LMO7: variants seen among roughly 807,000 people sequenced by gnomAD.
The protein encoded by LMO7 is LIM domain 7, also known as LIM domain only protein 7.
Under a neutral mutation model 206.5 loss-of-function variants are expected in LMO7, and 120 were observed. That is an observed-to-expected ratio of 0.58 (90% CI 0.50 to 0.68). LMO7 has a LOEUF of 0.68. Among genes scored for constraint, LMO7 ranks in the 30% least tolerant of loss-of-function variants. The pLI is 0.00. For synonymous variants in LMO7, 706 were observed against 681.5 expected (o/e 1.04, Z -0.56); for missense variants, 1,959 against 1,957.9 (o/e 1.00, Z -0.01).
upstream of LMO7, among the ~76,000 whole-genome samples, chr13:75,634,879 G>C (rs1265135086): frequency 6.6e-6 from 1 of 151,946 alleles, no homozygotes; most frequent in Non-Finnish European, 1.5e-5. Flanking sequence ...GGTGGTGGGC[G>C]CCTGTAATCC....
intron 4 of LMO7, among the ~76,000 whole-genome samples, chr13:75,780,089 A>G (rs988042734): frequency 1.6e-4 from 24 of 152,270 alleles, no homozygotes; most frequent in African/African-American, 4.8e-4. Flanking sequence ...CACAAGGCAA[A>G]TGGGCAGGGC....
chr13:75,670,719 C>A (rs1446912785), intron 1 of LMO7, among the ~76,000 whole-genome samples: 1 of 152,096 alleles, frequency 6.6e-6, no homozygotes, highest in African/African-American at 2.4e-5. Flanking sequence ...AATGTAAAGG[C>A]CTAGGACATT....
rs1306052853 is a variant in LMO7, at chr13:75,710,979, AC to A, written c.70-2201del. Among the ~76,000 whole-genome samples the A allele has an allele frequency of 3.3e-5, 5 of 152,168 alleles. No homozygotes were observed. In the East Asian group the frequency reaches 9.6e-4, roughly 29 times the overall value. On this transcript the variant is annotated intron_variant, in intron 1 of 30. Coordinates refer to ENST00000377534, the MANE Select transcript of LMO7 (RefSeq NM_001306080.2). The stretch of plus-strand genomic sequence containing the variant: ...TTATTTTGAGATACGTCCCATCAAT[AC>A]CTAATTTATTGAGAGTTTTTAGCAT...
intron 3 of LMO7, among the ~76,000 whole-genome samples, chr13:75,743,890 T>C (rs2046621920): frequency 1.3e-5 from 2 of 152,192 alleles, no homozygotes; most frequent in South Asian, 4.1e-4. Context: ...ATGACATTTT[T>C]CAAGGTTGTA....
chr13:75,819,679 G>A, intron 13 of LMO7, 144 bp downstream of exon 13: 2 of 812,936 alleles, frequency 2.5e-6, no homozygotes. Context: ...TTAAGATTTT[G>A]GTCTGCGGTG....
At chr13:75,743,123 C>T (rs548449089) in intron 3 of LMO7, among the ~76,000 whole-genome samples, 28 of 152,072 alleles carry the variant, frequency 1.8e-4, no homozygotes, top group Non-Finnish European at 1.5e-4. Context: ...AAAAAAAGCT[C>T]GACATCACTA....
chr13:75,717,198 T>C (rs9600533), intron 2 of LMO7, among the ~76,000 whole-genome samples: 79,812 of 151,290 alleles, frequency 0.53, 22,322 homozygotes, highest in African/African-American at 0.72. Flanking sequence ...CCCGTCTCTA[T>C]TAAAAATACA....
chr13:75,825,335 A>G (rs1353371406), intron 15 of LMO7, among the ~76,000 whole-genome samples: 1 of 152,114 alleles, frequency 6.6e-6, no homozygotes, highest in African/African-American at 2.4e-5. Context: ...ACCTTTTTCA[A>G]ATAGCAAATT....
At chr13:75,760,267 C>G (rs535361263) in intron 3 of LMO7, 5 of 710,428 alleles carry the variant, frequency 7.0e-6, no homozygotes, top group East Asian at 1.3e-4. Flanking sequence ...AGGGGATAGG[C>G]TTTCATATTT....
Position 75,808,195 on chromosome 13 carries a change from G to A in LMO7, c.1912G>A (p.Glu638Lys). ...TAGGCACAAGAAAAGGCTGATGGTG[G>A]AGAGGTCAGAGTGTGTTTCTGCAAG... ...RLRHKKRLMV[E>K]RLFQKIYGEN... is the part of the protein sequence containing the mutation. Residue 638 changes from glutamate (E) to lysine (K), a missense_variant, in exon 10 of 31, where the codon GAG becomes AAG. Coordinates refer to ENST00000377534, the MANE Select transcript of LMO7 (RefSeq NM_001306080.2). 2.5e-6 allele frequency: 4 copies of A among 1,610,036 alleles called. No homozygotes were observed. The highest frequency in any genetic ancestry group is 3.4e-6 in the Non-Finnish European group (4 of 1,177,626).
chr13:75,725,802 C>G (rs190778123), intron 2 of LMO7, among the ~76,000 whole-genome samples: 1 of 152,098 alleles, frequency 6.6e-6, no homozygotes, highest in African/African-American at 2.4e-5. Context: ...ACCATGAAAA[C>G]AGGAAAACAT....
At chr13:75,674,769 A>G (rs2039873054) in intron 1 of LMO7, among the ~76,000 whole-genome samples, 1 of 152,214 alleles carries the variant, frequency 6.6e-6, no homozygotes, top group Non-Finnish European at 1.5e-5. Flanking sequence ...TTATGTTATC[A>G]CTTGGGTATT....
chr13:75,697,110 C>T (rs9544029), intron 1 of LMO7, among the ~76,000 whole-genome samples: 61,290 of 151,876 alleles, frequency 0.4, 12,873 homozygotes, highest in East Asian at 0.61. Flanking sequence ...TGCCAATACA[C>T]ATTCAGATTG....
At chr13:75,771,585 T>TTTTAAAGACTTTAAAAAC (rs1178310800) in intron 4 of LMO7, among the ~76,000 whole-genome samples, 40 of 151,926 alleles carry the variant, frequency 2.6e-4, no homozygotes, top group South Asian at 4.2e-4. Flanking sequence ...AAAACAGAAT[T>TTTTAAAGACTTTAAAAAC]AGTAAGTATA....
chr13:75,730,342 C>T (rs2045024270), intron 3 of LMO7, among the ~76,000 whole-genome samples: 1 of 152,164 alleles, frequency 6.6e-6, no homozygotes, highest in Non-Finnish European at 1.5e-5. Context: ...CAACTTCTTC[C>T]TGGTTTAGTC....
intron 3 of LMO7, among the ~76,000 whole-genome samples, chr13:75,753,975 A>G (rs2139511536): frequency 6.6e-6 from 1 of 152,332 alleles, no homozygotes; most frequent in Middle Eastern, 3.4e-3. Context: ...GTGTAACCAA[A>G]AACCACTTGT....
chr13:75,755,274 T>C (rs1410002907), intron 3 of LMO7, among the ~76,000 whole-genome samples: 1 of 152,198 alleles, frequency 6.6e-6, no homozygotes, highest in Admixed American at 6.5e-5. Flanking sequence ...CTTTATTTGA[T>C]TTTCAAATTC....
intron 3 of LMO7, among the ~76,000 whole-genome samples, chr13:75,757,826 G>GTA (rs1230675799): frequency 1.0e-5 from 1 of 98,262 alleles, no homozygotes; most frequent in Non-Finnish European, 2.0e-5. Context: ...GTGTGTGTGT[G>GTA]TGTGTGTGTG....
At chr13:75,819,354 A>C in intron 12 of LMO7, 39 bp from the exon 13 acceptor site, 1 of 1,556,550 alleles carries the variant, frequency 6.4e-7, no homozygotes. Context: ...GGTGTATAGA[A>C]ATTCAGGTGT....
Sources: allele counts gnomAD v4.1 joint callset (sites outside exome capture counted in the v4.1 genomes callset), GRCh38; gene constraint gnomAD v4.1.1; transcripts MANE v1.5; gene names NCBI Gene and HGNC (gene_info 2026-07-23, HGNC 2026-07-21).